The following ZCCHC7 variants were observed in gnomAD, a reference collection of about 807,000 sequenced individuals.
ZCCHC7 encodes zinc finger CCHC-type containing 7, also known as zinc finger CCHC domain-containing protein 7.
Under a neutral mutation model 52.0 loss-of-function variants are expected in ZCCHC7, and 35 were observed. The ratio of observed to expected loss-of-function variants is 0.67; its 90% CI spans 0.51 to 0.89. ZCCHC7 has a LOEUF of 0.89. Ranked by LOEUF, ZCCHC7 falls within the 40% of genes least tolerant of loss-of-function variation. The pLI, the probability that ZCCHC7 is intolerant of heterozygous loss-of-function variation, is 0.00. For synonymous variants in ZCCHC7, 217 were observed against 221.5 expected (o/e 0.98, Z 0.18); for missense variants, 574 against 649.1 (o/e 0.88, Z 1.26).
chr9:37,193,488 T>A (rs377212485), intron 2 of ZCCHC7, among the ~76,000 whole-genome samples: 184 of 152,300 alleles, frequency 1.2e-3, no homozygotes, highest in South Asian at 5.8e-3. Context: ...CCATATTTTG[T>A]ATAAAACATT....
chr9:37,348,390 C>CTTTCTTTCTTTCTTTCTTTCTTTCT (rs1554736711), intron 6 of ZCCHC7, among the ~76,000 whole-genome samples: 107 of 133,250 alleles, frequency 8.0e-4, no homozygotes, highest in African/African-American at 2.6e-3. Context: ...TTCTTTCTTT[C>CTTTCTTTCTTTCTTTCTTTCTTTCT]TTTTTTGACA....
intron 5 of ZCCHC7, among the ~76,000 whole-genome samples, chr9:37,325,404 A>ATT (rs1221243487): frequency 6.6e-6 from 1 of 152,160 alleles, no homozygotes; most frequent in Non-Finnish European, 1.5e-5. Flanking sequence ...CATTTTAAGT[A>ATT]TTTTTTTAAT....
intron 2 of ZCCHC7, among the ~76,000 whole-genome samples, chr9:37,278,677 A>G (rs1827805362): frequency 1.3e-5 from 2 of 152,208 alleles, no homozygotes; most frequent in Admixed American, 1.3e-4. Context: ...AACTAATGAT[A>G]ACAATAAAAA....
chr9:37,126,036 A>G (rs751172608), intron 1 of ZCCHC7, among the ~76,000 whole-genome samples: 25 of 152,344 alleles, frequency 1.6e-4, no homozygotes, highest in Admixed American at 7.2e-4. Flanking sequence ...GCACGATGAA[A>G]TCACAGAACA....
chr9:37,226,923 A>G (rs1305335246), intron 2 of ZCCHC7, among the ~76,000 whole-genome samples: 2 of 150,764 alleles, frequency 1.3e-5, no homozygotes, highest in Non-Finnish European at 3.0e-5. Flanking sequence ...CCAGCTACTC[A>G]TGAGGCTGAG....
At chr9:37,224,561 G>A (rs567505982) in intron 2 of ZCCHC7, among the ~76,000 whole-genome samples, 45 of 152,240 alleles carry the variant, frequency 3.0e-4, no homozygotes, top group African/African-American at 1.1e-3. Flanking sequence ...ATCTTAGAAG[G>A]GAAATAAAGT....
At chr9:37,346,381 A>G (rs1422755091) in intron 6 of ZCCHC7, among the ~76,000 whole-genome samples, 1 of 152,200 alleles carries the variant, frequency 6.6e-6, no homozygotes. Context: ...TGTTTGCAAC[A>G]TTAAAAACAA....
intron 2 of ZCCHC7, among the ~76,000 whole-genome samples, chr9:37,172,108 A>G (rs569300673): frequency 6.6e-6 from 1 of 152,318 alleles, no homozygotes; most frequent in East Asian, 1.9e-4. Context: ...CCAAATTGTC[A>G]TTTTAAAAAC....
At chr9:37,209,580 ATG>A (rs529551875) in intron 2 of ZCCHC7, among the ~76,000 whole-genome samples, 302 of 152,072 alleles carry the variant, frequency 2.0e-3, no homozygotes, top group African/African-American at 7.1e-3. Context: ...ATGTATACAC[ATG>A]TGTGTATATA....
At chr9:37,183,247 C>T (rs142869324) in intron 2 of ZCCHC7, among the ~76,000 whole-genome samples, 154 of 152,148 alleles carry the variant, frequency 1.0e-3, no homozygotes, top group African/African-American at 3.4e-3. Flanking sequence ...CATTGTATAC[C>T]GTTTGAAGCT....
chr9:37,281,562 C>T (rs1399050348), intron 2 of ZCCHC7, among the ~76,000 whole-genome samples: 1 of 151,968 alleles, frequency 6.6e-6, no homozygotes, highest in Non-Finnish European at 1.5e-5. Flanking sequence ...AGAAAATATT[C>T]CTCAAGTCTC....
intron 2 of ZCCHC7, among the ~76,000 whole-genome samples, chr9:37,272,175 CAG>C (rs1827449103): frequency 6.6e-6 from 1 of 152,200 alleles, no homozygotes; most frequent in Admixed American, 6.5e-5. Flanking sequence ...GGAGAAGAAA[CAG>C]AAATATTAAA....
At chr9:37,343,242 A>G (rs1211959410) in intron 6 of ZCCHC7, among the ~76,000 whole-genome samples, 1 of 152,244 alleles carries the variant, frequency 6.6e-6, no homozygotes, top group Non-Finnish European at 1.5e-5. Context: ...ATTCTTTAAA[A>G]TCTAAATAAC....
chr9:37,330,816 T>C (rs1830423340), intron 6 of ZCCHC7, among the ~76,000 whole-genome samples: 1 of 151,548 alleles, frequency 6.6e-6, no homozygotes, highest in Middle Eastern at 3.2e-3. Context: ...CCCTGTCATT[T>C]CTACTCTCAT....
intron 6 of ZCCHC7, among the ~76,000 whole-genome samples, chr9:37,345,270 T>C (rs754213719): frequency 3.9e-5 from 6 of 152,242 alleles, no homozygotes; most frequent in African/African-American, 9.6e-5. Flanking sequence ...TCTTAAGCCA[T>C]GTATGCTTGT....
At chr9:37,122,117 A>T (rs764186877) in intron 1 of ZCCHC7, among the ~76,000 whole-genome samples, 8 of 152,244 alleles carry the variant, frequency 5.3e-5, no homozygotes, top group Non-Finnish European at 1.2e-4. Context: ...AAGAAGGAAC[A>T]TCTAGGGAGG....
intron 2 of ZCCHC7, among the ~76,000 whole-genome samples, chr9:37,158,349 CA>C (rs1391711192): frequency 6.6e-6 from 1 of 152,128 alleles, no homozygotes; most frequent in East Asian, 1.9e-4. Context: ...TGGTTTTAAG[CA>C]CTTAGCCCCA....
intron 2 of ZCCHC7, among the ~76,000 whole-genome samples, chr9:37,130,492 ATTT>A (rs752923921): frequency 2.3e-5 from 3 of 129,946 alleles, no homozygotes; most frequent in Admixed American, 1.6e-4. Flanking sequence ...TGAAATCTCA[ATTT>A]TTTTTTTTTT....
intron 3 of ZCCHC7, among the ~76,000 whole-genome samples, chr9:37,303,274 A>G (rs375285985): frequency 1.3e-5 from 2 of 151,922 alleles, no homozygotes. Context: ...AAAATACAAA[A>G]ATTAGCCAGG....
Sources: gnomAD v4.1 joint callset for allele counts (sites outside exome capture counted in the v4.1 genomes callset) on GRCh38, gnomAD v4.1.1 for gene constraint, MANE v1.5 for transcripts, NCBI Gene and HGNC (gene_info 2026-07-23, HGNC 2026-07-21) for gene names.